The following ERCC6L2 variants were observed in gnomAD, a reference collection of about 807,000 sequenced individuals.
ERCC6L2 encodes ERCC excision repair 6 like 2.
ERCC6L2 carries 77 observed loss-of-function variants against 132.0 expected under a neutral mutation model. That is an observed-to-expected ratio of 0.58 (90% CI 0.49 to 0.71). The LOEUF (loss-of-function observed/expected upper bound fraction) is 0.71, where lower values mean the gene tolerates loss of function less well. Among genes scored for constraint, ERCC6L2 ranks in the 30% least tolerant of loss-of-function variants. The pLI is 0.00. For synonymous variants in ERCC6L2, 583 were observed against 632.4 expected (o/e 0.92, Z 1.17); for missense variants, 1,542 against 1,837.6 (o/e 0.84, Z 2.94).
chr9:96,013,819 A>G lies in ERCC6L2; in HGVS notation c.*616A>G, dbSNP rs1834114995. 1 of 152,236 alleles carries G rather than the reference A, an allele frequency of 6.6e-6. No individual in the cohort carries two copies. The highest frequency in any genetic ancestry group is 6.5e-5 in the Admixed American group (1 of 15,292). The allele number at this position is 152,236 out of a possible 1,614,324, so 9.4% of individuals were successfully genotyped here. A position where few individuals can be genotyped will look rare whatever the true frequency, so the allele number is the denominator to read the frequency against. ...TGCAACAGCTCAAAATTAAAAGGTT[A>G]ATGTTATACACTTTACTATATGAGC... On this transcript the variant is annotated 3_prime_UTR_variant, in exon 19 of 19. Coordinates refer to ENST00000653738, the MANE Select transcript of ERCC6L2 (RefSeq NM_020207.7).
chr9:95,903,631 TTAGAAAA>T (rs67166809), intron 3 of ERCC6L2, among the ~76,000 whole-genome samples: 40,558 of 151,762 alleles, frequency 0.27, 5,865 homozygotes, highest in East Asian at 0.39. Context: ...CATATAGTAC[TTAGAAAA>T]TAGAAGGTGT....
At chr9:95,995,752 G>A (rs1833449337) in intron 17 of ERCC6L2, among the ~76,000 whole-genome samples, 1 of 152,054 alleles carries the variant, frequency 6.6e-6, no homozygotes, top group South Asian at 2.1e-4. Context: ...ATCTGTTAAG[G>A]TGATCCACAG....
In ERCC6L2 at chr9:95,876,280, C is replaced by G. The variant is rs181277529; in HGVS notation, c.46+196C>G. The G allele has an allele frequency of 4.0e-3, 2,139 of 528,458 alleles. 34 individuals carry two copies. The highest frequency in any genetic ancestry group is 0.036 in the African/African-American group (1,886 of 52,518). 32.7% of individuals were successfully genotyped at this position (528,458 alleles called of 1,614,324 possible). ...AGAACCTGGACTCGGGAGTCAGCCC[C>G]TGGGATCTAGTGCTGCCTCTGACAG... On this transcript the variant is annotated intron_variant, in intron 1 of 18. Transcript: ENST00000653738.
intron 17 of ERCC6L2, among the ~76,000 whole-genome samples, chr9:95,991,569 G>T (rs1349248080): frequency 2.6e-5 from 4 of 152,168 alleles, no homozygotes; most frequent in Non-Finnish European, 4.4e-5. Flanking sequence ...AACCTAGTGA[G>T]CATGTCACTT....
chr9:95,992,515 G>GTA (rs1833337803), intron 17 of ERCC6L2, among the ~76,000 whole-genome samples: 1 of 152,214 alleles, frequency 6.6e-6, no homozygotes, highest in Non-Finnish European at 1.5e-5. Context: ...ATAGAAGAGA[G>GTA]TAAAGATGAT....
intron 19 of ERCC6L2, among the ~76,000 whole-genome samples, chr9:96,028,716 T>C (rs1036678718): frequency 6.6e-6 from 1 of 152,178 alleles, no homozygotes; most frequent in Non-Finnish European, 1.5e-5. Flanking sequence ...GGAAGTTCTG[T>C]TTCTTGCAAC....
chr9:95,923,625 A>G (rs1829975499), intron 9 of ERCC6L2, among the ~76,000 whole-genome samples: 2 of 152,162 alleles, frequency 1.3e-5, no homozygotes, highest in Non-Finnish European at 2.9e-5. Flanking sequence ...CCTTATTGAT[A>G]TATTGGACTT....
chr9:95,911,337 T>C (rs758925513), intron 4 of ERCC6L2, among the ~76,000 whole-genome samples: 8 of 152,212 alleles, frequency 5.3e-5, no homozygotes, highest in Non-Finnish European at 8.8e-5. Flanking sequence ...GTAAGCTCTT[T>C]GGTGTAGGAA....
chr9:95,950,827 A>G (rs1418673799), intron 12 of ERCC6L2, among the ~76,000 whole-genome samples: 3 of 152,216 alleles, frequency 2.0e-5, no homozygotes, highest in Admixed American at 6.5e-5. Flanking sequence ...CCCAAATTGT[A>G]TGAAGCAAAC....
Position 96,012,581 on chromosome 9 carries a change from C to T in ERCC6L2, c.4031C>T (p.Ser1344Phe). 1.5e-6 allele frequency: 2 copies of T among 1,367,496 alleles called. No individual in the cohort carries two copies. Among genetic ancestry groups the T allele is most frequent in the Non-Finnish European group, 2.0e-6 (2 of 1,021,768 alleles). The allele number at this position is 1,367,496 out of a possible 1,614,324, so 84.7% of individuals were successfully genotyped here. A position where few individuals can be genotyped will look rare whatever the true frequency, so the allele number is the denominator to read the frequency against. Residue 1344 changes from serine to phenylalanine, a missense_variant, in exon 19 of 19, where the codon TCC (serine) becomes TTC (phenylalanine). By Grantham distance (155) the Ser-to-Phe change is radical (BLOSUM62 -2). Coordinates refer to ENST00000653738, the MANE Select transcript of ERCC6L2 (RefSeq NM_020207.7). ...TCAGTTAAGTTTCAGAATCATATTT[C>T]CTATAGAGAAGAGGTGTTTTTTAAT... Reference protein sequence around the residue: ...RKSVKFQNHISYREEVFFNDA... With the variant: ...RKSVKFQNHIFYREEVFFNDA...
chr9:96,028,884 C>G (rs1425500781), intron 19 of ERCC6L2, among the ~76,000 whole-genome samples: 1 of 152,214 alleles, frequency 6.6e-6, no homozygotes, highest in East Asian at 1.9e-4. Context: ...CAAAAATAAA[C>G]TATCTTCAAC....
chr9:95,888,804 G>C (rs1014185988), intron 2 of ERCC6L2, among the ~76,000 whole-genome samples: 2 of 152,152 alleles, frequency 1.3e-5, no homozygotes, highest in Non-Finnish European at 2.9e-5. Flanking sequence ...AAATCCACCT[G>C]TGCTGTTCTT....
At chr9:95,938,334 T>C (rs1220114913) in intron 11 of ERCC6L2, among the ~76,000 whole-genome samples, 1 of 152,096 alleles carries the variant, frequency 6.6e-6, no homozygotes, top group East Asian at 1.9e-4. Context: ...TGTGGTGCTG[T>C]TCTAGGTGGA....
At chr9:95,986,167 G>A (rs1368489891) in intron 17 of ERCC6L2, among the ~76,000 whole-genome samples, 1 of 152,088 alleles carries the variant, frequency 6.6e-6, no homozygotes, top group Admixed American at 6.5e-5. Flanking sequence ...TTATCTCATT[G>A]TATTATACAA....
chr9:95,879,132 G>A (rs10986996), intron 1 of ERCC6L2, among the ~76,000 whole-genome samples: 273 of 151,904 alleles, frequency 1.8e-3, no homozygotes, highest in Non-Finnish European at 3.5e-3. Flanking sequence ...CAGTGTAAAA[G>A]TGTTCCTATT....
At position 95,928,808 on chromosome 9, in the gene ERCC6L2, G is replaced by A. The variant is rs1388259573; in HGVS notation, c.1695G>A (p.Lys565=). 2.5e-6 allele frequency: 4 copies of A among 1,612,564 alleles called. No homozygotes were observed. The highest frequency in any genetic ancestry group is 3.4e-6 in the Non-Finnish European group (4 of 1,179,290). Residue 565 remains lysine, a synonymous_variant, in exon 11 of 19, where the codon AAG becomes AAA. Transcript: ENST00000653738. ...DGSTKSEERL[K]IVKEFNSTQD... is the part of the protein sequence containing the mutation. ...GTACAAAATCAGAGGAAAGACTCAAGATTGTAAAAGAGTTCAACAGTACAC... is the reference window on the plus strand; with the variant it reads ...GTACAAAATCAGAGGAAAGACTCAAAATTGTAAAAGAGTTCAACAGTACAC...
intron 4 of ERCC6L2, among the ~76,000 whole-genome samples, chr9:95,913,371 A>G (rs771617301): frequency 6.6e-6 from 1 of 152,174 alleles, no homozygotes; most frequent in Non-Finnish European, 1.5e-5. Flanking sequence ...TTTAATGACT[A>G]ATTTTTGGAG....
chr9:95,932,503 G>T (rs544405636), intron 11 of ERCC6L2, among the ~76,000 whole-genome samples: 2 of 152,180 alleles, frequency 1.3e-5, no homozygotes, highest in African/African-American at 4.8e-5. Context: ...TGATCATCTG[G>T]CATTTTTCCT....
intron 19 of ERCC6L2, among the ~76,000 whole-genome samples, chr9:96,024,361 G>A (rs1834334090): frequency 6.6e-6 from 1 of 152,206 alleles, no homozygotes. Flanking sequence ...TTAAAGTCTG[G>A]GTAATCAATC....
Sources: gnomAD v4.1 joint callset for allele counts (sites outside exome capture counted in the v4.1 genomes callset) on GRCh38, gnomAD v4.1.1 for gene constraint, MANE v1.5 for transcripts, NCBI Gene and HGNC (gene_info 2026-07-23, HGNC 2026-07-21) for gene names.